MTUS2: variants seen among roughly 807,000 people sequenced by gnomAD.
MTUS2 encodes microtubule associated scaffold protein 2.
In MTUS2, 40 loss-of-function variants were observed where a neutral mutation model predicts 114.1. The observed-to-expected ratio is 0.35, with a 90% CI of 0.27 to 0.46. MTUS2 has a LOEUF of 0.46. Ranked by LOEUF, MTUS2 falls within the 20% of genes least tolerant of loss-of-function variation. MTUS2 has a pLI of 1.00. For synonymous variants in MTUS2, 688 were observed against 672.0 expected, an observed-to-expected ratio of 1.02 and a Z score of -0.37; for missense variants, 1,679 against 1,705.4, an observed-to-expected ratio of 0.98 and a Z score of 0.27.
rs1899893315 is a variant in MTUS2 at position 29,314,215 on chromosome 13, C to T, written c.2807-10398C>T. On this transcript the variant is annotated intron_variant, in intron 6 of 15. Transcript: ENST00000612955. ...CTAGAATGAAATGGAGAATTGAGGGCTCCAGGAAGAATGGCTCTAAGAAAA... is the reference window on the plus strand; with the variant it reads ...CTAGAATGAAATGGAGAATTGAGGGTTCCAGGAAGAATGGCTCTAAGAAAA... Among the ~76,000 whole-genome samples, 3 of 152,120 alleles carry T rather than the reference C, an allele frequency of 2.0e-5. 1 individual carries two copies. In the South Asian group the frequency reaches 6.2e-4, roughly 32 times the overall value.
At chr13:29,172,917 T>A (rs1458905208) in intron 5 of MTUS2, among the ~76,000 whole-genome samples, 1 of 152,196 alleles carries the variant, frequency 6.6e-6, no homozygotes, top group Non-Finnish European at 1.5e-5. Context: ...TAGTCCTAGG[T>A]AAGACCAAAT....
intron 8 of MTUS2, among the ~76,000 whole-genome samples, chr13:29,389,194 TATAG>T (rs1324717742): frequency 6.7e-6 from 1 of 149,966 alleles, no homozygotes; most frequent in Non-Finnish European, 1.5e-5. Context: ...TATATATCTA[TATAG>T]ATATATATTT....
At chr13:28,947,605 A>T (rs1217326186) in intron 2 of MTUS2, among the ~76,000 whole-genome samples, 2 of 152,128 alleles carry the variant, frequency 1.3e-5, no homozygotes, top group African/African-American at 4.8e-5. Flanking sequence ...CCTCTTTTAG[A>T]CCCAAAGCAG....
At chr13:28,897,343 A>T (rs1879340907) in intron 2 of MTUS2, among the ~76,000 whole-genome samples, 1 of 152,224 alleles carries the variant, frequency 6.6e-6, no homozygotes, top group Non-Finnish European at 1.5e-5. Context: ...TCAAAACCAC[A>T]ATGAGATACC....
intron 8 of MTUS2, among the ~76,000 whole-genome samples, chr13:29,415,282 T>G (rs1236773173): frequency 6.6e-6 from 1 of 152,170 alleles, no homozygotes; most frequent in Admixed American, 6.5e-5. Context: ...GTTCAATATA[T>G]AGCTATAAGA....
At chr13:29,485,438 T>C (rs1881538220) in intron 10 of MTUS2, 1 of 152,342 alleles carries the variant, frequency 6.6e-6, no homozygotes, top group Non-Finnish European at 1.5e-5. Context: ...TAAAGTTGCA[T>C]GAAACCTGAA....
intron 5 of MTUS2, among the ~76,000 whole-genome samples, chr13:29,276,155 A>G (rs555104242): frequency 2.0e-5 from 3 of 152,336 alleles, no homozygotes; most frequent in South Asian, 2.1e-4. Context: ...ACTGTGAGGA[A>G]TGAACTGTAG....
intron 2 of MTUS2, among the ~76,000 whole-genome samples, chr13:28,907,411 T>G (rs2984455): frequency 0.13 from 19,767 of 151,388 alleles, 1,931 homozygotes; most frequent in African/African-American, 0.21. Flanking sequence ...AATATTAACT[T>G]TAAATGTAAA....
chr13:29,492,884 T>C (rs1244141012), intron 12 of MTUS2, among the ~76,000 whole-genome samples, 165 bp downstream of exon 12: 1 of 152,250 alleles, frequency 6.6e-6, no homozygotes, highest in African/African-American at 2.4e-5. Context: ...ATGTGCTGTC[T>C]GCTCAGAAAG....
At chr13:29,443,255 C>T (rs529686134) in intron 9 of MTUS2, among the ~76,000 whole-genome samples, 2 of 152,360 alleles carry the variant, frequency 1.3e-5, no homozygotes, top group Admixed American at 1.3e-4. Context: ...GAAATTTCCA[C>T]TCCAGGGTGA....
intron 4 of MTUS2, chr13:29,072,098 A>C (rs935707602): frequency 2.0e-5 from 3 of 152,206 alleles, no homozygotes; most frequent in Non-Finnish European, 2.9e-5. Flanking sequence ...CAGGCTGTGC[A>C]TCTCTTCCTC....
intron 11 of MTUS2, among the ~76,000 whole-genome samples, chr13:29,491,594 GGT>G (rs369522053): frequency 3.2e-4 from 47 of 147,952 alleles, no homozygotes; most frequent in South Asian, 8.7e-4. Context: ...GTGTGTGACA[GGT>G]GTGTGTGTGT....
At chr13:29,102,160 G>A (rs1890445525) in intron 5 of MTUS2, among the ~76,000 whole-genome samples, 1 of 152,180 alleles carries the variant, frequency 6.6e-6, no homozygotes, top group Admixed American at 6.5e-5. Flanking sequence ...ATAAAGAACT[G>A]TTTGCAAATG....
At chr13:29,225,475 ACAAT>A (rs1468328105) in intron 5 of MTUS2, among the ~76,000 whole-genome samples, 2 of 152,176 alleles carry the variant, frequency 1.3e-5, no homozygotes, top group Non-Finnish European at 2.9e-5. Context: ...CTCTCTTTAC[ACAAT>A]CATAGAATTG....
chr13:28,878,249 ATG>A (rs946934358), intron 2 of MTUS2, among the ~76,000 whole-genome samples: 28 of 151,110 alleles, frequency 1.9e-4, no homozygotes, highest in African/African-American at 2.4e-4. Flanking sequence ...ATATGTATAT[ATG>A]TGTGTGTGTG....
chr13:28,865,275 A>G (rs1345483249), intron 2 of MTUS2, among the ~76,000 whole-genome samples: 1 of 152,200 alleles, frequency 6.6e-6, no homozygotes, highest in Non-Finnish European at 1.5e-5. Context: ...ATTGGGCTGC[A>G]GGTGGTACAG....
intron 2 of MTUS2, among the ~76,000 whole-genome samples, chr13:28,906,759 T>A (rs937693375): frequency 2.0e-5 from 3 of 151,486 alleles, no homozygotes; most frequent in African/African-American, 7.3e-5. Flanking sequence ...GTTCTGTAGA[T>A]GTCTATTAGG....
chr13:29,376,935 G>A (rs1274935283), intron 8 of MTUS2, among the ~76,000 whole-genome samples: 2 of 125,484 alleles, frequency 1.6e-5, no homozygotes, highest in African/African-American at 3.0e-5. Flanking sequence ...GATGGAAAAC[G>A]ATGTAACATG....
chr13:29,185,573 A>G (rs977836836), intron 5 of MTUS2, among the ~76,000 whole-genome samples: 2 of 152,196 alleles, frequency 1.3e-5, no homozygotes, highest in African/African-American at 4.8e-5. Flanking sequence ...CAGTAATGTT[A>G]ACAGCTGATT....
Sources: gnomAD v4.1 joint callset for allele counts (sites outside exome capture counted in the v4.1 genomes callset) on GRCh38, gnomAD v4.1.1 for gene constraint, MANE v1.5 for transcripts, NCBI Gene and HGNC (gene_info 2026-07-23, HGNC 2026-07-21) for gene names.